GRK3: variants seen among roughly 807,000 people sequenced by gnomAD.
The protein encoded by GRK3 is G protein-coupled receptor kinase 3.
A neutral mutation model predicts 95.7 loss-of-function variants in GRK3; 54 were observed. The observed-to-expected ratio is 0.56, with a 90% CI of 0.45 to 0.71. The LOEUF (loss-of-function observed/expected upper bound fraction) is 0.71, where lower values mean the gene tolerates loss of function less well. Among genes scored for constraint, GRK3 ranks in the 30% least tolerant of loss-of-function variants. GRK3 has a pLI of 0.00. For missense variants in GRK3, 649 were observed against 851.2 expected (o/e 0.76, Z 2.96); for synonymous variants, 281 against 290.8 (o/e 0.97, Z 0.34).
intron 9 of GRK3, chr22:25,684,664 AT>A (rs2146430192): frequency 6.6e-6 from 1 of 152,404 alleles, no homozygotes; most frequent in South Asian, 2.1e-4. Flanking sequence ...AGATGGTGAT[AT>A]GTTTCTGTAT....
intron 1 of GRK3, among the ~76,000 whole-genome samples, chr22:25,572,532 A>G (rs570018403): frequency 3.9e-5 from 6 of 152,218 alleles, no homozygotes; most frequent in Non-Finnish European, 8.8e-5. Context: ...TTCCTTTTTA[A>G]TGATCGCCCT....
At chr22:25,567,597 A>G (rs1931536072) in intron 1 of GRK3, among the ~76,000 whole-genome samples, 1 of 152,226 alleles carries the variant, frequency 6.6e-6, no homozygotes, top group Non-Finnish European at 1.5e-5. Flanking sequence ...TTTCTATTTC[A>G]GCTTCATTAT....
At chr22:25,698,914 T>G (rs1486711079) in intron 13 of GRK3, among the ~76,000 whole-genome samples, 2 of 152,190 alleles carry the variant, frequency 1.3e-5, no homozygotes, top group Non-Finnish European at 2.9e-5. Flanking sequence ...GTTTTGTTTT[T>G]GTTTTTTTAT....
chr22:25,640,900 A>G (rs1247571271), intron 2 of GRK3, among the ~76,000 whole-genome samples: 10 of 152,202 alleles, frequency 6.6e-5, no homozygotes, highest in Non-Finnish European at 5.9e-5. Context: ...AGATCTGGAG[A>G]AATTGCAGCG....
chr22:25,594,702 C>T (rs994799791), intron 1 of GRK3, among the ~76,000 whole-genome samples: 2 of 151,980 alleles, frequency 1.3e-5, no homozygotes, highest in Non-Finnish European at 2.9e-5. Flanking sequence ...CATGGTGAAA[C>T]CCTGTCTCTA....
intron 12 of GRK3, 63 bp downstream of exon 12, chr22:25,690,346 A>G (rs561514033): frequency 1.9e-5 from 22 of 1,176,756 alleles, no homozygotes; most frequent in African/African-American, 1.8e-4. Context: ...AGGCGTGGCC[A>G]TTTGTCACCC....
intron 15 of GRK3, among the ~76,000 whole-genome samples, chr22:25,707,014 G>A (rs1295349008): frequency 6.6e-6 from 1 of 151,576 alleles, no homozygotes; most frequent in Non-Finnish European, 1.5e-5. Flanking sequence ...TAGAGAAGGG[G>A]TCTTGCTATG....
Position 25,723,545 on chromosome 22 carries a change from C to T in GRK3, c.*1095C>T, listed in dbSNP as rs1217098578. Reference sequence around the variant, plus strand: ...CTGTACGACAGTGAGGACCTTAGGGCATGAAGCCTTTTTCCTGGTCCCAGC... The same window carrying T: ...CTGTACGACAGTGAGGACCTTAGGGTATGAAGCCTTTTTCCTGGTCCCAGC... On this transcript the variant is annotated 3_prime_UTR_variant, in exon 21 of 21. Transcript: ENST00000324198. The T allele has an allele frequency of 6.6e-6, 1 of 152,180 alleles. No homozygotes were observed. The allele number at this position is 152,180 out of a possible 1,614,324, so 9.4% of individuals were successfully genotyped here.
intron 3 of GRK3, among the ~76,000 whole-genome samples, chr22:25,656,237 T>A (rs1376060098): frequency 1.3e-5 from 2 of 152,182 alleles, no homozygotes; most frequent in Non-Finnish European, 2.9e-5. Flanking sequence ...TAAAAATAAA[T>A]AATGGGAAAG....
intron 1 of GRK3, among the ~76,000 whole-genome samples, chr22:25,580,809 G>A (rs1932071640): frequency 6.6e-6 from 1 of 152,180 alleles, no homozygotes; most frequent in South Asian, 2.1e-4. Context: ...GCTGAGATTT[G>A]TTTTAAAATG....
chr22:25,608,972 G>A (rs1249624272), intron 2 of GRK3, among the ~76,000 whole-genome samples: 6 of 152,206 alleles, frequency 3.9e-5, no homozygotes, highest in East Asian at 3.9e-4. Flanking sequence ...AAGGGGTTAT[G>A]TGCCAGTTAC....
chr22:25,716,179 G>C (rs1419716663), intron 18 of GRK3, among the ~76,000 whole-genome samples: 8 of 152,020 alleles, frequency 5.3e-5, no homozygotes, highest in Non-Finnish European at 2.9e-5. Flanking sequence ...TAGTAGAGAT[G>C]GGATTTCACT....
intron 1 of GRK3, among the ~76,000 whole-genome samples, chr22:25,585,916 A>G (rs182749163): frequency 6.6e-6 from 1 of 152,200 alleles, no homozygotes; most frequent in Non-Finnish European, 1.5e-5. Context: ...ATCTTGCTAT[A>G]TACACTCTTA....
chr22:25,708,446 G>C (rs997938809), intron 15 of GRK3, among the ~76,000 whole-genome samples: 1 of 152,072 alleles, frequency 6.6e-6, no homozygotes, highest in African/African-American at 2.4e-5. Context: ...GAGTGTCCTG[G>C]AACACAGGGC....
rs974876580 is a variant in GRK3 at position 25,649,113 on chromosome 22, T to C, written c.264+4448T>C. 2.2e-5 allele frequency: 34 copies of C among 1,525,630 alleles called. No individual in the cohort carries two copies. In the African/African-American group the frequency reaches 3.7e-4, roughly 17 times the overall value. The allele number at this position is 1,525,630 out of a possible 1,614,324, so 94.5% of individuals were successfully genotyped here. A position where few individuals can be genotyped will look rare whatever the true frequency, so the allele number is the denominator to read the frequency against. The stretch of plus-strand genomic sequence containing the variant: ...GGGCTGTCCAGAATCCCTCCATGAA[T>C]TGATGAATCTGTGTTGGAAGAAGGA... On this transcript the variant is annotated intron_variant, in intron 3 of 20. Coordinates refer to ENST00000324198, the MANE Select transcript of GRK3 (RefSeq NM_005160.4).
rs1601529439 is a variant in GRK3, at chr22:25,690,181, C to T, written c.958-8C>T. 1.2e-6 allele frequency: 2 copies of T among 1,610,282 alleles called. No homozygotes were observed. Among genetic ancestry groups the T allele is most frequent in the Admixed American group, 3.3e-5 (2 of 59,926 alleles). On this transcript the variant is annotated splice_region_variant and splice_polypyrimidine_tract_variant and intron_variant, in intron 11 of 20. Coordinates refer to ENST00000324198, the MANE Select transcript of GRK3 (RefSeq NM_005160.4). ...ACTCTTATTAAAGATTATTCTCTTT[C>T]TGTTTAGCCAGCAAATATTCTCTTG...
intron 2 of GRK3, among the ~76,000 whole-genome samples, chr22:25,619,650 GTTTTTTTTTTTT>G (rs536273282): frequency 2.8e-5 from 3 of 107,924 alleles, no homozygotes; most frequent in East Asian, 2.7e-4. Flanking sequence ...TACCTGGCTA[GTTTTTTTTTTTT>G]TTTTTTTTTT....
At chr22:25,685,899 G>A (rs950718321) in intron 10 of GRK3, among the ~76,000 whole-genome samples, 11 of 147,524 alleles carry the variant, frequency 7.5e-5, no homozygotes, top group Middle Eastern at 7.1e-3. Context: ...TTCACTTGAA[G>A]TTTTATCATG....
At chr22:25,586,869 C>G (rs1483422288) in intron 1 of GRK3, among the ~76,000 whole-genome samples, 1 of 151,772 alleles carries the variant, frequency 6.6e-6, no homozygotes, top group Non-Finnish European at 1.5e-5. Context: ...GGGGTTTGGA[C>G]GTTGGGCAAA....
Sources: gnomAD v4.1 joint callset for allele counts (sites outside exome capture counted in the v4.1 genomes callset) on GRCh38, gnomAD v4.1.1 for gene constraint, MANE v1.5 for transcripts, NCBI Gene and HGNC (gene_info 2026-07-23, HGNC 2026-07-21) for gene names.